The following COL10A1 variants were observed in gnomAD, a reference collection of about 807,000 sequenced individuals.
COL10A1 encodes the protein collagen alpha-1(X) chain.
Under a neutral mutation model 18.2 loss-of-function variants are expected in COL10A1, and 10 were observed. The observed-to-expected ratio is 0.55, with a 90% CI of 0.34 to 0.93. The LOEUF is 0.93. Ranked by LOEUF, COL10A1 falls within the 40% of genes least tolerant of loss-of-function variation. COL10A1 has a pLI of 0.02. For synonymous variants in COL10A1, 330 were observed against 316.6 expected (o/e 1.04, Z -0.45); for missense variants, 897 against 853.5 (o/e 1.05, Z -0.64).
chr6:116,119,925 A>G lies in COL10A1; in HGVS notation c.*148T>C. ...ACGTTGCTGCTCACTTTTCAGGGGG[A>G]AGGTTTGTTGGTCTGATAGCTCAAA... On this transcript the variant is annotated 3_prime_UTR_variant, in exon 3 of 3. Transcript: ENST00000651968. 1.3e-6 allele frequency: 1 copy of G among 749,598 alleles called. No individual in the cohort carries two copies. The highest frequency in any genetic ancestry group is 2.5e-5 in the East Asian group (1 of 39,942). The allele number at this position is 749,598 out of a possible 1,614,324, so 46.4% of individuals were successfully genotyped here.
the COL10A1 span, among the ~76,000 whole-genome samples, chr6:116,165,647 A>G: frequency 1.3e-5 from 2 of 152,258 alleles, no homozygotes; most frequent in East Asian, 1.9e-4. Flanking sequence ...TCTGTTACCA[A>G]CCACCAGTAC....
the COL10A1 span, among the ~76,000 whole-genome samples, chr6:116,202,413 C>T: frequency 2.0e-5 from 3 of 151,952 alleles, no homozygotes; most frequent in Admixed American, 6.6e-5. Context: ...GAGTTTTGTT[C>T]GCCATACTCT....
At chr6:116,137,478 C>T (rs1277751633) in intron 1 of COL10A1, 3 of 185,876 alleles carry the variant, frequency 1.6e-5, no homozygotes, top group Non-Finnish European at 3.5e-5. Flanking sequence ...ACAGTAGGTG[C>T]CATTGAGCCT....
At chr6:116,177,181 G>C in the COL10A1 span, among the ~76,000 whole-genome samples, 5 of 152,160 alleles carry the variant, frequency 3.3e-5, no homozygotes, top group East Asian at 9.6e-4. Context: ...TGAGCTTTTC[G>C]TTTCCAACAA....
At chr6:116,159,417 C>T (rs981793652), upstream of COL10A1, among the ~76,000 whole-genome samples, 1 of 151,970 alleles carries the variant, frequency 6.6e-6, no homozygotes, top group African/African-American at 2.4e-5. Flanking sequence ...CATTTTCTAC[C>T]CATTCCTTTG....
At chr6:116,126,585 CTA>C (rs775102077), upstream of COL10A1, among the ~76,000 whole-genome samples, 10 of 152,004 alleles carry the variant, frequency 6.6e-5, no homozygotes, top group Non-Finnish European at 1.0e-4. Flanking sequence ...ATCAATGTGT[CTA>C]TTAATATTCA....
chr6:116,174,898 G>A, the COL10A1 span, among the ~76,000 whole-genome samples: 4 of 152,158 alleles, frequency 2.6e-5, no homozygotes, highest in Admixed American at 2.6e-4. Context: ...AGGGTTTCTT[G>A]TAGTATTAAA....
chr6:116,154,589 G>A (rs1352885467), intron 1 of COL10A1, among the ~76,000 whole-genome samples: 2 of 152,146 alleles, frequency 1.3e-5, no homozygotes, highest in African/African-American at 4.8e-5. Context: ...GAACAGTGAG[G>A]TGGTGTTTAA....
chr6:116,206,369 T>C, the COL10A1 span, among the ~76,000 whole-genome samples: 6,963 of 152,124 alleles, frequency 0.046, 178 homozygotes, highest in Non-Finnish European at 0.059. Flanking sequence ...GTGAGTGTTA[T>C]AACTGTGATC....
At chr6:116,175,509 G>A in the COL10A1 span, among the ~76,000 whole-genome samples, 6 of 151,916 alleles carry the variant, frequency 3.9e-5, no homozygotes, top group African/African-American at 1.5e-4. Context: ...TATTTCTTCT[G>A]CTCCATTGTC....
At chr6:116,209,083 G>A in the COL10A1 span, among the ~76,000 whole-genome samples, 1 of 151,838 alleles carries the variant, frequency 6.6e-6, no homozygotes, top group Non-Finnish European at 1.5e-5. Flanking sequence ...TATTCTTTTG[G>A]TACTTTCTAG....
chr6:116,141,759 G>GTT (rs556953268), intron 1 of COL10A1, among the ~76,000 whole-genome samples: 16 of 138,452 alleles, frequency 1.2e-4, no homozygotes, highest in African/African-American at 3.4e-4. Context: ...TTCTTCTTTT[G>GTT]TTTTTTTTTT....
chr6:116,156,584 A>G (rs962055893), intron 1 of COL10A1, among the ~76,000 whole-genome samples: 3 of 152,244 alleles, frequency 2.0e-5, no homozygotes, highest in African/African-American at 4.8e-5. Flanking sequence ...GAAAGAAAGC[A>G]TAAGGAAGTC....
intron 1 of COL10A1, among the ~76,000 whole-genome samples, chr6:116,147,622 A>G (rs1289971965): frequency 1.3e-5 from 2 of 152,188 alleles, no homozygotes; most frequent in Non-Finnish European, 1.5e-5. Context: ...CCTTAAACCT[A>G]TGCAAAGATT....
chr6:116,155,833 G>C (rs895466993), intron 1 of COL10A1, among the ~76,000 whole-genome samples: 1 of 150,546 alleles, frequency 6.6e-6, no homozygotes, highest in Non-Finnish European at 1.5e-5. Context: ...GTTTTTTAAA[G>C]AGCAGATACA....
chr6:116,202,288 T>G, the COL10A1 span, among the ~76,000 whole-genome samples: 2 of 152,096 alleles, frequency 1.3e-5, no homozygotes, highest in Non-Finnish European at 2.9e-5. Context: ...TTTCTTATGC[T>G]TAGCATGGTT....
intron 1 of COL10A1, among the ~76,000 whole-genome samples, chr6:116,144,241 C>T (rs531867375): frequency 1.2e-4 from 19 of 152,238 alleles, no homozygotes; most frequent in African/African-American, 2.2e-4. Flanking sequence ...CAGTGGCTCA[C>T]GCCTGTATCC....
upstream of COL10A1, among the ~76,000 whole-genome samples, chr6:116,160,213 C>A (rs1445075374): frequency 2.0e-5 from 3 of 152,180 alleles, no homozygotes; most frequent in East Asian, 3.8e-4. Context: ...AAGTGTTTAA[C>A]TAATTTACAT....
At chr6:116,212,297 G>C in the COL10A1 span, among the ~76,000 whole-genome samples, 2 of 152,026 alleles carry the variant, frequency 1.3e-5, no homozygotes, top group African/African-American at 4.8e-5. Context: ...AGGTGGAAAA[G>C]TATAGTGAAA....
Sources: gnomAD v4.1 joint callset for allele counts (sites outside exome capture counted in the v4.1 genomes callset) on GRCh38, gnomAD v4.1.1 for gene constraint, MANE v1.5 for transcripts, NCBI Gene and HGNC (gene_info 2026-07-23, HGNC 2026-07-21) for gene names.